Variants in MAP2K5 observed in about 807,000 individuals in gnomAD.
The protein encoded by MAP2K5 is mitogen-activated protein kinase kinase 5, also known as dual specificity mitogen-activated protein kinase kinase 5.
In MAP2K5, 49 loss-of-function variants were observed where a neutral mutation model predicts 83.1. That is an observed-to-expected ratio of 0.59 (90% CI 0.47 to 0.75). The LOEUF is 0.75. Ranked by LOEUF, MAP2K5 falls within the 30% of genes least tolerant of loss-of-function variation. The pLI is 0.00. For synonymous variants in MAP2K5, 202 were observed against 191.8 expected, an observed-to-expected ratio of 1.05 and a Z score of -0.44; for missense variants, 457 against 557.5, an observed-to-expected ratio of 0.82 and a Z score of 1.82.
At position 67,794,733 on chromosome 15, in the gene MAP2K5, T is replaced by C. The variant is rs1396857453; in HGVS notation, c.1243-11913T>C. On this transcript the variant is annotated intron_variant, in intron 21 of 21. Transcript: ENST00000178640. This position sits in a 1 kb window ranked among gnomAD's most constrained non-coding sequence, Gnocchi z 4.6. ...TGATGTCCAGTGTCTAGCAATTTTT[T>C]CCTCTGTATTTTTTGTTGATTTGAT... Among the ~76,000 whole-genome samples the C allele has an allele frequency of 6.6e-6, 1 of 152,166 alleles. No homozygotes were observed. The highest frequency in any genetic ancestry group is 2.4e-5 in the African/African-American group (1 of 41,426).
At chr15:67,667,878 A>C (rs1484230773) in intron 13 of MAP2K5, among the ~76,000 whole-genome samples, 1 of 152,216 alleles carries the variant, frequency 6.6e-6, no homozygotes, top group African/African-American at 2.4e-5. Flanking sequence ...AAACTCTTGA[A>C]AACCTGGAGT....
chr15:67,762,576 A>AC (rs1204887129), intron 19 of MAP2K5, among the ~76,000 whole-genome samples: 1 of 152,098 alleles, frequency 6.6e-6, no homozygotes, highest in African/African-American at 2.4e-5. Context: ...AAAAAAAAAA[A>AC]AAAAAACAAG....
rs1472196959 is a variant in MAP2K5 at position 67,719,084 on chromosome 15, C to G, written c.1045-8832C>G. Among the ~76,000 whole-genome samples, 1 of 152,196 alleles carries G rather than the reference C, an allele frequency of 6.6e-6. No individual in the cohort carries two copies. The highest frequency in any genetic ancestry group is 1.9e-4 in the East Asian group (1 of 5,198). On this transcript the variant is annotated intron_variant, in intron 16 of 21. Transcript: ENST00000178640. This position sits in a 1 kb window ranked among gnomAD's most constrained non-coding sequence, Gnocchi z 4.6. ...ACCCTTCCCAGCCTCTGGTAACCAT[C>G]ATTCTACTGTCTATCTCCATGAGTT...
intron 15 of MAP2K5, among the ~76,000 whole-genome samples, chr15:67,701,607 G>C (rs4776961): frequency 0.98 from 149,636 of 152,314 alleles, 73,572 homozygotes; most frequent in Middle Eastern, 1. Context: ...GCAGGGAGAT[G>C]TAAAAGGTCA....
Position 67,736,842 on chromosome 15 carries a change from T to A in MAP2K5, c.1074+8897T>A, listed in dbSNP as rs3784705. Among the ~76,000 whole-genome samples, 5 of 152,150 alleles carry A rather than the reference T, an allele frequency of 3.3e-5. No homozygotes were observed. Among genetic ancestry groups the A allele is most frequent in the African/African-American group, 1.2e-4 (5 of 41,446 alleles). ...TGCGGTCCACTAGGCCTTCCACTTC[T>A]CTCCCTTTGCTTTTATTGATGCAGT... On this transcript the variant is annotated intron_variant, in intron 17 of 21. Coordinates refer to ENST00000178640, the MANE Select transcript of MAP2K5 (RefSeq NM_145160.3). The surrounding 1 kb of genome is among the most constrained non-coding windows in gnomAD (Gnocchi z 4.3).
At position 67,587,828 on chromosome 15, in the gene MAP2K5, C is replaced by T. The variant is rs145420081; in HGVS notation, c.431+915C>T. On this transcript the variant is annotated intron_variant, in intron 6 of 21. Coordinates refer to ENST00000178640, the MANE Select transcript of MAP2K5 (RefSeq NM_145160.3). The surrounding 1 kb of genome is among the most constrained non-coding windows in gnomAD (Gnocchi z 4.8). ...ATAACTTGTCAGTCCTCCTTCACTGCTTCCTAGGCCTCCCTCAGTGCCACA... is the reference window on the plus strand; with the variant it reads ...ATAACTTGTCAGTCCTCCTTCACTGTTTCCTAGGCCTCCCTCAGTGCCACA... Among the ~76,000 whole-genome samples, 26 of 152,304 alleles carry T rather than the reference C, an allele frequency of 1.7e-4. No homozygotes were observed. Among genetic ancestry groups the T allele is most frequent in the African/African-American group, 4.1e-4 (17 of 41,562 alleles).
intron 16 of MAP2K5, among the ~76,000 whole-genome samples, chr15:67,704,172 T>G (rs2088494209): frequency 6.6e-6 from 1 of 152,250 alleles, no homozygotes; most frequent in Non-Finnish European, 1.5e-5. Flanking sequence ...CAGTTTGAAT[T>G]ATGGTAGTAT....
In MAP2K5 at chr15:67,790,738, A is replaced by C. The variant is rs1048487979; in HGVS notation, c.1243-15908A>C. 1.9e-4 allele frequency among the ~76,000 whole-genome samples: 29 copies of C among 152,248 alleles called. No individual in the cohort carries two copies. The highest frequency in any genetic ancestry group is 4.8e-4 in the African/African-American group (20 of 41,560). ...ACATAAAAACAAACAAACAAAAAAAAAAAAACCTGTGTCCTAATGTCTGCC... is the reference window on the plus strand; with the variant it reads ...ACATAAAAACAAACAAACAAAAAAACAAAAACCTGTGTCCTAATGTCTGCC... On this transcript the variant is annotated intron_variant, in intron 21 of 21. Transcript: ENST00000178640. This position sits in a 1 kb window ranked among gnomAD's most constrained non-coding sequence, Gnocchi z 4.6.
chr15:67,697,456 A>G (rs2088295366), intron 15 of MAP2K5, among the ~76,000 whole-genome samples: 1 of 152,210 alleles, frequency 6.6e-6, no homozygotes, highest in Non-Finnish European at 1.5e-5. Flanking sequence ...AAATTAAGTG[A>G]TCTGCCTTCA....
At position 67,806,916 on chromosome 15, in the gene MAP2K5, G is replaced by A. The variant is rs377346438; in HGVS notation, c.*166G>A. The A allele has an allele frequency of 2.6e-4, 407 of 1,590,164 alleles. 1 individual carries two copies. In the Middle Eastern group the frequency reaches 3.3e-3, roughly 13 times the overall value. On this transcript the variant is annotated 3_prime_UTR_variant, in exon 22 of 22. Coordinates refer to ENST00000178640, the MANE Select transcript of MAP2K5 (RefSeq NM_145160.3). The stretch of plus-strand genomic sequence containing the variant: ...GGTGGCCTTGCCTGGGGAGCCCCAT[G>A]TGTGGCCCACCCCACCAGGCCATCC...
In MAP2K5 at chr15:67,738,815, A is replaced by G. The variant is rs1047836601; in HGVS notation, c.1075-9416A>G. 6.6e-6 allele frequency among the ~76,000 whole-genome samples: 1 copy of G among 152,188 alleles called. No individual in the cohort carries two copies. The highest frequency in any genetic ancestry group is 2.4e-5 in the African/African-American group (1 of 41,446). ...CAGAGTCTGAAAAATGCTGGACAGGATATTTCTATGGTCTGCTTTCACCTT... is the reference window on the plus strand; with the variant it reads ...CAGAGTCTGAAAAATGCTGGACAGGGTATTTCTATGGTCTGCTTTCACCTT... On this transcript the variant is annotated intron_variant, in intron 17 of 21. Transcript: ENST00000178640. This position sits in a 1 kb window ranked among gnomAD's most constrained non-coding sequence, Gnocchi z 4.1.
intron 7 of MAP2K5, among the ~76,000 whole-genome samples, chr15:67,599,412 G>A (rs577197719): frequency 6.6e-6 from 1 of 152,276 alleles, no homozygotes; most frequent in African/African-American, 2.4e-5. Flanking sequence ...TGGTAAAATG[G>A]CTTGGAAAAG....
intron 15 of MAP2K5, among the ~76,000 whole-genome samples, chr15:67,696,337 T>C (rs4506840): frequency 0.17 from 25,180 of 152,102 alleles, 2,178 homozygotes; most frequent in East Asian, 0.22. Flanking sequence ...ACCACACCCA[T>C]TTGCTTATAT....
At chr15:67,682,230 T>A (rs991256674) in intron 13 of MAP2K5, among the ~76,000 whole-genome samples, 1 of 152,044 alleles carries the variant, frequency 6.6e-6, no homozygotes, top group South Asian at 2.1e-4. Context: ...CTATTTTTTT[T>A]TTTTTAAGAT....
intron 13 of MAP2K5, among the ~76,000 whole-genome samples, chr15:67,671,769 G>T (rs1399515008): frequency 6.7e-6 from 1 of 148,846 alleles, no homozygotes; most frequent in Non-Finnish European, 1.5e-5. Flanking sequence ...CCATTAACTC[G>T]TCATTTAGCA....
Position 67,804,388 on chromosome 15 carries a change from G to A in MAP2K5, c.1243-2258G>A, listed in dbSNP as rs544137755. Among the ~76,000 whole-genome samples the A allele has an allele frequency of 1.3e-4, 20 of 152,336 alleles. No homozygotes were observed. In the East Asian group the frequency reaches 3.7e-3, roughly 28 times the overall value. On this transcript the variant is annotated intron_variant, in intron 21 of 21. Coordinates refer to ENST00000178640, the MANE Select transcript of MAP2K5 (RefSeq NM_145160.3). ...TGGGTCCAGGTCGCTTCCCTTGCAG[G>A]TGGGGTAAAGTATCGGGGATACAAC...
At chr15:67,752,799 A>T (rs1319222068) in intron 19 of MAP2K5, among the ~76,000 whole-genome samples, 1 of 152,198 alleles carries the variant, frequency 6.6e-6, no homozygotes, top group Admixed American at 6.5e-5. Context: ...CAATGTAATC[A>T]TGTTAAAATC....
rs1266012235 is a variant in MAP2K5 at position 67,640,804 on chromosome 15, AGATATTTTT to A, written c.586-5426_586-5418del. Among the ~76,000 whole-genome samples the A allele has an allele frequency of 6.6e-6, 1 of 152,226 alleles. No individual in the cohort carries two copies. The highest frequency in any genetic ancestry group is 1.5e-5 in the Non-Finnish European group (1 of 68,040). ...ACTTCTGAGGTAGGAATATATTACA[AGATATTTTT>A]AAAAGAAGTTGAATTTTGGAAAGAA... On this transcript the variant is annotated intron_variant, in intron 9 of 21. Transcript: ENST00000178640. This position sits in a 1 kb window ranked among gnomAD's most constrained non-coding sequence, Gnocchi z 4.6.
At chr15:67,671,372 G>A (rs1013360297) in intron 13 of MAP2K5, among the ~76,000 whole-genome samples, 1 of 152,114 alleles carries the variant, frequency 6.6e-6, no homozygotes, top group East Asian at 1.9e-4. Flanking sequence ...ATTATTTAAG[G>A]TATTCCTTCA....
Sources: allele counts gnomAD v4.1 joint callset (sites outside exome capture counted in the v4.1 genomes callset), GRCh38; gene constraint gnomAD v4.1.1; non-coding constraint Gnocchi (gnomAD v3.1); transcripts MANE v1.5; gene names NCBI Gene and HGNC (gene_info 2026-07-23, HGNC 2026-07-21).